The following SAMD4A variants were observed in gnomAD, a reference collection of about 807,000 sequenced individuals.
SAMD4A encodes protein Smaug homolog 1.
SAMD4A carries 33 observed loss-of-function variants against 81.3 expected under a neutral mutation model. The observed-to-expected ratio is 0.41, with a 90% CI of 0.31 to 0.54. The LOEUF (loss-of-function observed/expected upper bound fraction) is 0.54, where lower values mean the gene tolerates loss of function less well. Ranked by LOEUF, SAMD4A falls within the 20% of genes least tolerant of loss-of-function variation. SAMD4A has a pLI of 0.37. For synonymous variants in SAMD4A, 389 were observed against 382.1 expected, an observed-to-expected ratio of 1.02 and a Z score of -0.21; for missense variants, 854 against 951.1, an observed-to-expected ratio of 0.90 and a Z score of 1.34.
intron 2 of SAMD4A, among the ~76,000 whole-genome samples, chr14:54,572,452 A>T (rs1341556584): frequency 6.6e-6 from 1 of 152,240 alleles, no homozygotes; most frequent in Admixed American, 6.5e-5. Context: ...TACATGCATG[A>T]TCCTCTGAGA....
At chr14:54,592,221 A>G (rs1338969572) in intron 2 of SAMD4A, among the ~76,000 whole-genome samples, 1 of 152,212 alleles carries the variant, frequency 6.6e-6, no homozygotes, top group East Asian at 1.9e-4. Context: ...ACATTCTGGT[A>G]GCATTGAGTA....
chr14:54,760,605 T>A, intron 7 of SAMD4A, 111 bp downstream of exon 7: 1 of 1,341,060 alleles, frequency 7.5e-7, no homozygotes, highest in South Asian at 2.2e-5. Context: ...CAAGTAGACA[T>A]CATTAGCTTC....
In SAMD4A at chr14:54,715,393, G is replaced by A. The variant is rs575083260; in HGVS notation, c.715+12813G>A. On this transcript the variant is annotated intron_variant, in intron 3 of 12. Coordinates refer to ENST00000554335, the MANE Select transcript of SAMD4A (RefSeq NM_015589.6). ...CTGATGAGTCGATAGTACTCATTTTGGGCTGGGTGGGGGAGGAGAGTGAAA... is the reference window on the plus strand; with the variant it reads ...CTGATGAGTCGATAGTACTCATTTTAGGCTGGGTGGGGGAGGAGAGTGAAA... Among the ~76,000 whole-genome samples, 6 of 152,200 alleles carry A rather than the reference G, an allele frequency of 3.9e-5. No individual in the cohort carries two copies. In the South Asian group the frequency reaches 1.2e-3, roughly 32 times the overall value.
chr14:54,635,281 T>G (rs905057588), intron 2 of SAMD4A, among the ~76,000 whole-genome samples: 3 of 150,936 alleles, frequency 2.0e-5, no homozygotes, highest in Non-Finnish European at 2.9e-5. Flanking sequence ...AAAAATTAGC[T>G]GGGCATGGTG....
At position 54,623,016 on chromosome 14, in the gene SAMD4A, G is replaced by A. The variant is rs191607079; in HGVS notation, c.196+54904G>A. Among the ~76,000 whole-genome samples the A allele has an allele frequency of 9.4e-4, 143 of 152,316 alleles. 1 individual carries two copies. Among genetic ancestry groups the A allele is most frequent in the Non-Finnish European group, 1.8e-4 (12 of 68,020 alleles). On this transcript the variant is annotated intron_variant, in intron 2 of 12. Coordinates refer to ENST00000554335, the MANE Select transcript of SAMD4A (RefSeq NM_015589.6). ...TGGTTGTTTTCCGTCACCTCCACTA[G>A]ACTGTCAGCCCTGTGAGGGCAGGAC...
At chr14:54,650,576 T>C (rs2035381879) in intron 2 of SAMD4A, among the ~76,000 whole-genome samples, 1 of 152,198 alleles carries the variant, frequency 6.6e-6, no homozygotes, top group Non-Finnish European at 1.5e-5. Flanking sequence ...TGTTTCTCTT[T>C]CTCCAGAAAA....
At position 54,617,610 on chromosome 14, in the gene SAMD4A, A is replaced by C. The variant is rs1283455864; in HGVS notation, c.196+49498A>C. On this transcript the variant is annotated intron_variant, in intron 2 of 12. Coordinates refer to ENST00000554335, the MANE Select transcript of SAMD4A (RefSeq NM_015589.6). ...TATTCCGTGTACTGATATTGCATGCAGTCAGTTTGATGAGTCATTAGATTT... is the reference window on the plus strand; with the variant it reads ...TATTCCGTGTACTGATATTGCATGCCGTCAGTTTGATGAGTCATTAGATTT... Among the ~76,000 whole-genome samples the C allele has an allele frequency of 2.6e-5, 4 of 152,324 alleles. No homozygotes were observed. The East Asian group carries it at 7.7e-4, about 29-fold the overall frequency.
chr14:54,716,925 G>A (rs1195748709), intron 3 of SAMD4A, among the ~76,000 whole-genome samples: 1 of 152,172 alleles, frequency 6.6e-6, no homozygotes, highest in Non-Finnish European at 1.5e-5. Context: ...AAATGCAGAG[G>A]ATGTAGGCTT....
At chr14:54,595,404 T>C (rs886273743) in intron 2 of SAMD4A, among the ~76,000 whole-genome samples, 2 of 148,840 alleles carry the variant, frequency 1.3e-5, no homozygotes, top group Non-Finnish European at 1.5e-5. Context: ...TATATATATG[T>C]ATACATGTGT....
chr14:54,668,501 G>A (rs1054372283), intron 2 of SAMD4A, among the ~76,000 whole-genome samples: 1 of 152,282 alleles, frequency 6.6e-6, no homozygotes, highest in South Asian at 2.1e-4. Context: ...ACAGTATTGG[G>A]ACCAGCGTCC....
intron 2 of SAMD4A, among the ~76,000 whole-genome samples, chr14:54,578,947 C>T (rs1172637121): frequency 1.3e-5 from 2 of 151,990 alleles, no homozygotes; most frequent in African/African-American, 4.8e-5. Flanking sequence ...TTTGGGTCAC[C>T]CAAAAGCAGT....
chr14:54,788,104 T>G (rs2039186885), intron 12 of SAMD4A, among the ~76,000 whole-genome samples: 1 of 152,174 alleles, frequency 6.6e-6, no homozygotes, highest in South Asian at 2.1e-4. Context: ...TCCCCAAGAC[T>G]GTTCAGTTCT....
At chr14:54,677,229 T>C (rs1289039058) in intron 2 of SAMD4A, among the ~76,000 whole-genome samples, 1 of 152,242 alleles carries the variant, frequency 6.6e-6, no homozygotes, top group Admixed American at 6.5e-5. Flanking sequence ...GCAGTTTTAC[T>C]ACACTTTGTA....
At chr14:54,650,853 A>G (rs911582338) in intron 2 of SAMD4A, among the ~76,000 whole-genome samples, 1 of 152,186 alleles carries the variant, frequency 6.6e-6, no homozygotes, top group Non-Finnish European at 1.5e-5. Context: ...TGCACTGAGC[A>G]TTCTTTCAGC....
chr14:54,760,202 A>G lies in SAMD4A; in HGVS notation c.1218A>G (p.Glu406=). The G allele has an allele frequency of 6.2e-7, 1 of 1,613,218 alleles. No homozygotes were observed. The highest frequency in any genetic ancestry group is 8.5e-7 in the Non-Finnish European group (1 of 1,179,850). ...EGGSLRIPLQ[E]LHQMILTPIK... ...GCAGCCTGCGCATCCCGCTCCAGGA[A>G]CTGCACCAGATGATCCTGACTCCGA... The change falls in exon 7 of 13, where the codon GAA becomes GAG. Residue 406 remains glutamate, a synonymous_variant. Transcript: ENST00000554335.
intron 3 of SAMD4A, among the ~76,000 whole-genome samples, chr14:54,714,324 C>A (rs2037065799): frequency 6.6e-6 from 1 of 152,172 alleles, no homozygotes; most frequent in African/African-American, 2.4e-5. Flanking sequence ...TTCTCACTCA[C>A]ACTGAATTCA....
intron 2 of SAMD4A, among the ~76,000 whole-genome samples, chr14:54,695,954 A>G (rs1451430263): frequency 7.3e-5 from 5 of 68,730 alleles, no homozygotes; most frequent in African/African-American, 1.7e-4. Context: ...TCCATCTCAG[A>G]AAAAAAAAAA....
chr14:54,719,972 A>G (rs1452600432), intron 3 of SAMD4A, among the ~76,000 whole-genome samples: 2 of 151,944 alleles, frequency 1.3e-5, no homozygotes, highest in African/African-American at 2.4e-5. Flanking sequence ...CCTCTCATTA[A>G]TTTTCTTCCT....
intron 2 of SAMD4A, among the ~76,000 whole-genome samples, chr14:54,672,903 CGT>C (rs763653094): frequency 6.6e-6 from 1 of 152,134 alleles, no homozygotes; most frequent in Non-Finnish European, 1.5e-5. Flanking sequence ...GAAATATCAC[CGT>C]GTTAACAGTT....
Sources: allele counts gnomAD v4.1 joint callset (sites outside exome capture counted in the v4.1 genomes callset), GRCh38; gene constraint gnomAD v4.1.1; transcripts MANE v1.5; gene names NCBI Gene and HGNC (gene_info 2026-07-23, HGNC 2026-07-21).